The following RAD51B variants were observed in gnomAD, a reference collection of about 807,000 sequenced individuals.
RAD51B encodes RAD51 paralog B, also known as DNA repair protein RAD51 homolog 2.
RAD51B carries 38 observed loss-of-function variants against 42.2 expected under a neutral mutation model. The ratio of observed to expected loss-of-function variants is 0.90; its 90% CI spans 0.70 to 1.18. RAD51B has a LOEUF of 1.18. Among genes scored for constraint, RAD51B ranks in the 50% most tolerant of loss-of-function variants. The pLI is 0.00. For synonymous variants in RAD51B, 154 were observed against 145.2 expected, an observed-to-expected ratio of 1.06 and a Z score of -0.43; for missense variants, 373 against 400.7, an observed-to-expected ratio of 0.93 and a Z score of 0.59.
chr14:67,879,765 C>G, intron 5 of RAD51B, among the ~76,000 whole-genome samples: 1 of 152,118 alleles, frequency 6.6e-6, no homozygotes, highest in African/African-American at 2.4e-5. Context: ...CTGTTGCACT[C>G]TGTTGTTTTG....
At chr14:67,925,631 C>T (rs1322696593) in intron 7 of RAD51B, among the ~76,000 whole-genome samples, 1 of 152,206 alleles carries the variant, frequency 6.6e-6, no homozygotes, top group African/African-American at 2.4e-5. Flanking sequence ...ACACTAGGCT[C>T]TGCTCCCCAG....
intron 7 of RAD51B, among the ~76,000 whole-genome samples, chr14:68,205,309 A>G (rs1034788769): frequency 5.9e-5 from 9 of 152,188 alleles, no homozygotes; most frequent in African/African-American, 2.2e-4. Flanking sequence ...GACAAAGCCT[A>G]TTTTAGGAGT....
At chr14:68,479,556 A>G (rs1158722890), downstream of RAD51B, among the ~76,000 whole-genome samples, 1 of 151,062 alleles carries the variant, frequency 6.6e-6, no homozygotes, top group Middle Eastern at 3.5e-3. Flanking sequence ...ATTAGATCAT[A>G]CTCTTTAGTC....
chr14:68,668,699 T>A (rs759081968), intron 11 of RAD51B, among the ~76,000 whole-genome samples: 13 of 152,172 alleles, frequency 8.5e-5, no homozygotes, highest in Non-Finnish European at 1.5e-4. Flanking sequence ...GCCGCCCGAG[T>A]CATCTCACAG....
chr14:68,283,925 T>G (rs1175089860), intron 7 of RAD51B, among the ~76,000 whole-genome samples: 1 of 152,256 alleles, frequency 6.6e-6, no homozygotes, highest in Non-Finnish European at 1.5e-5. Flanking sequence ...TCTACTTCAA[T>G]GCATTTTTCT....
At chr14:68,524,593 G>A (rs1341397935) in intron 10 of RAD51B, among the ~76,000 whole-genome samples, 3 of 152,154 alleles carry the variant, frequency 2.0e-5, no homozygotes, top group Non-Finnish European at 4.4e-5. Flanking sequence ...TTCTGGATGC[G>A]TTCTTCTGAG....
intron 10 of RAD51B, among the ~76,000 whole-genome samples, chr14:68,522,820 C>T (rs1292289993): frequency 6.6e-6 from 1 of 152,160 alleles, no homozygotes; most frequent in Non-Finnish European, 1.5e-5. Flanking sequence ...AAACCTCCAG[C>T]TGCCAACCAA....
At chr14:68,145,013 T>G (rs1167907848) in intron 7 of RAD51B, among the ~76,000 whole-genome samples, 1 of 152,228 alleles carries the variant, frequency 6.6e-6, no homozygotes, top group African/African-American at 2.4e-5. Flanking sequence ...TATTACTCAT[T>G]TCCTTATTAC....
intron 7 of RAD51B, among the ~76,000 whole-genome samples, chr14:67,963,899 A>T (rs1393768076): frequency 6.6e-6 from 1 of 151,936 alleles, no homozygotes; most frequent in Non-Finnish European, 1.5e-5. Context: ...AATCTTATGA[A>T]TCAGAATTTT....
chr14:68,229,239 C>T (rs538897321), intron 7 of RAD51B, among the ~76,000 whole-genome samples: 5 of 152,066 alleles, frequency 3.3e-5, no homozygotes, highest in Non-Finnish European at 5.9e-5. Flanking sequence ...TTGTATTGAC[C>T]TGTAGTCATC....
intron 7 of RAD51B, among the ~76,000 whole-genome samples, chr14:67,995,807 C>T (rs988528679): frequency 4.0e-5 from 6 of 151,804 alleles, no homozygotes; most frequent in South Asian, 2.1e-4. Context: ...TTAGTAGAGA[C>T]GAGGTTTCAC....
chr14:68,383,120 T>G (rs2083516279), intron 8 of RAD51B, among the ~76,000 whole-genome samples: 1 of 152,232 alleles, frequency 6.6e-6, no homozygotes, highest in African/African-American at 2.4e-5. Flanking sequence ...CAAATTTCCT[T>G]TCAGTATTTT....
chr14:68,073,835 G>T (rs1340218204), intron 7 of RAD51B, among the ~76,000 whole-genome samples: 1 of 152,114 alleles, frequency 6.6e-6, no homozygotes, highest in African/African-American at 2.4e-5. Context: ...TTTCCTTAAG[G>T]ATGCTGAATA....
chr14:68,406,633 C>T lies in RAD51B; in HGVS notation c.854-4791C>T, dbSNP rs548034839. ...CTGTAGACTTCATAAACCCCGTATC[C>T]TTAGGCTATATTCATTGATAGAGAC... On this transcript the variant is annotated intron_variant, in intron 8 of 10. Coordinates refer to ENST00000471583, the MANE Select transcript of RAD51B (RefSeq NM_133510.4). Among the ~76,000 whole-genome samples, 25 of 152,234 alleles carry T rather than the reference C, an allele frequency of 1.6e-4. 1 individual carries two copies. The highest frequency in any genetic ancestry group is 5.8e-4 in the African/African-American group (24 of 41,546).
chr14:67,865,557 G>C (rs1454130214), intron 5 of RAD51B, among the ~76,000 whole-genome samples: 1 of 12,376 alleles, frequency 8.1e-5, no homozygotes, highest in African/African-American at 3.2e-4. Flanking sequence ...TTTTTTTTTT[G>C]AGATGGAGTC....
chr14:68,508,735 G>C (rs1885515005), intron 10 of RAD51B, among the ~76,000 whole-genome samples: 1 of 152,210 alleles, frequency 6.6e-6, no homozygotes. Flanking sequence ...ATCTCTGAGA[G>C]GGTACCAGTT....
chr14:67,893,488 A>C (rs2043285613), intron 7 of RAD51B, among the ~76,000 whole-genome samples: 2 of 73,122 alleles, frequency 2.7e-5, no homozygotes, highest in African/African-American at 7.5e-5. Flanking sequence ...ACACACACAC[A>C]CACACACACA....
chr14:67,987,108 C>G (rs911387140), intron 7 of RAD51B, among the ~76,000 whole-genome samples: 1 of 152,116 alleles, frequency 6.6e-6, no homozygotes, highest in Non-Finnish European at 1.5e-5. Flanking sequence ...TGTTTTGATA[C>G]AGGCATACAG....
intron 7 of RAD51B, among the ~76,000 whole-genome samples, chr14:68,167,654 T>A (rs989172481): frequency 6.6e-6 from 1 of 152,044 alleles, no homozygotes; most frequent in Non-Finnish European, 1.5e-5. Context: ...AGATTAAGAT[T>A]TGATGGGTAG....
Sources: allele counts gnomAD v4.1 joint callset (sites outside exome capture counted in the v4.1 genomes callset), GRCh38; gene constraint gnomAD v4.1.1; transcripts MANE v1.5; gene names NCBI Gene and HGNC (gene_info 2026-07-23, HGNC 2026-07-21).